The following LRMDA variants were observed in gnomAD, a reference collection of about 807,000 sequenced individuals.
LRMDA encodes leucine-rich melanocyte differentiation-associated protein.
A neutral mutation model predicts 29.8 loss-of-function variants in LRMDA; 18 were observed. The ratio of observed to expected loss-of-function variants is 0.60; its 90% CI spans 0.42 to 0.90. The LOEUF (loss-of-function observed/expected upper bound fraction) is 0.90. LRMDA is among the 40% of genes least tolerant of loss of function. LRMDA has a pLI of 0.00. For synonymous variants in LRMDA, 125 were observed against 109.4 expected, an observed-to-expected ratio of 1.14 and a Z score of -0.89; for missense variants, 273 against 273.9, an observed-to-expected ratio of 1.00 and a Z score of 0.02.
rs80299221 is a variant in LRMDA at position 75,545,641 on chromosome 10, C to T, written c.131+107147C>T. ...GGAGATCATCTTACTAACATTTTGCCAATGAGAAAACTGAGCCCCAGAGAG... is the reference window on the plus strand; with the variant it reads ...GGAGATCATCTTACTAACATTTTGCTAATGAGAAAACTGAGCCCCAGAGAG... On this transcript the variant is annotated intron_variant, in intron 2 of 6. Transcript: ENST00000611255. 7.8e-3 allele frequency among the ~76,000 whole-genome samples: 1,185 copies of T among 152,084 alleles called. 16 individuals are homozygous for T. Among genetic ancestry groups the T allele is most frequent in the African/African-American group, 0.028 (1,148 of 41,480 alleles).
rs566349463 is a variant in LRMDA, at chr10:76,155,719, G to A, written c.516+96936G>A. On this transcript the variant is annotated intron_variant, in intron 5 of 6. Coordinates refer to ENST00000611255, the MANE Select transcript of LRMDA (RefSeq NM_001305581.2). ...TCACATCCACGTTGATATTGTTTAAGCGCCTAAACTTTTGCTGTATTAGGG... is the reference window on the plus strand; with the variant it reads ...TCACATCCACGTTGATATTGTTTAAACGCCTAAACTTTTGCTGTATTAGGG... Among the ~76,000 whole-genome samples, 5 of 152,194 alleles carry A rather than the reference G, an allele frequency of 3.3e-5. No homozygotes were observed. In the East Asian group the frequency reaches 7.8e-4, roughly 24 times the overall value.
At chr10:76,094,697 G>C (rs1182706196) in intron 5 of LRMDA, among the ~76,000 whole-genome samples, 1 of 152,108 alleles carries the variant, frequency 6.6e-6, no homozygotes, top group Non-Finnish European at 1.5e-5. Context: ...TTAAAGGAAA[G>C]TAACATTCCC....
chr10:76,112,761 G>A (rs887690551), intron 5 of LRMDA, among the ~76,000 whole-genome samples: 1 of 152,210 alleles, frequency 6.6e-6, no homozygotes, highest in African/African-American at 2.4e-5. Flanking sequence ...ATCACTTAAT[G>A]CTTTGCTGTG....
intron 5 of LRMDA, among the ~76,000 whole-genome samples, chr10:76,278,493 C>T (rs530414521): frequency 6.6e-6 from 1 of 152,284 alleles, no homozygotes; most frequent in African/African-American, 2.4e-5. Context: ...GCAGGCGTTC[C>T]TCGCTTCTGC....
intron 2 of LRMDA, among the ~76,000 whole-genome samples, chr10:75,918,707 C>T (rs1400653741): frequency 6.6e-6 from 1 of 152,134 alleles, no homozygotes; most frequent in Non-Finnish European, 1.5e-5. Flanking sequence ...GAGCCATAAG[C>T]AATGTGGAGA....
chr10:75,581,637 A>G (rs968761145), intron 2 of LRMDA, among the ~76,000 whole-genome samples: 4 of 152,138 alleles, frequency 2.6e-5, no homozygotes, highest in African/African-American at 9.7e-5. Context: ...TGTCCTTTGC[A>G]GGGACATGGA....
intron 2 of LRMDA, among the ~76,000 whole-genome samples, chr10:75,442,561 C>T (rs1255933016): frequency 1.3e-5 from 2 of 152,150 alleles, no homozygotes; most frequent in African/African-American, 4.8e-5. Flanking sequence ...GGTCAATTGA[C>T]TGTCAATGCA....
chr10:75,767,160 G>A lies in LRMDA; in HGVS notation c.132-268848G>A, dbSNP rs113886073. ...TTATAATCCTTTGGTTATATACCCAGCAATGGGATTGCTGGGTCAAATTGT... is the reference window on the plus strand; with the variant it reads ...TTATAATCCTTTGGTTATATACCCAACAATGGGATTGCTGGGTCAAATTGT... On this transcript the variant is annotated intron_variant, in intron 2 of 6. Transcript: ENST00000611255. 8.1e-3 allele frequency among the ~76,000 whole-genome samples: 1,231 copies of A among 152,248 alleles called. 19 individuals are homozygous for A. Among genetic ancestry groups the A allele is most frequent in the African/African-American group, 0.028 (1,145 of 41,546 alleles).
chr10:76,344,205 A>C (rs913854840), intron 6 of LRMDA, among the ~76,000 whole-genome samples: 3 of 152,198 alleles, frequency 2.0e-5, no homozygotes, highest in African/African-American at 7.2e-5. Flanking sequence ...TATACAGTGA[A>C]TATGCAAAAT....
intron 5 of LRMDA, among the ~76,000 whole-genome samples, chr10:76,250,777 G>T (rs559853720): frequency 6.6e-6 from 1 of 152,270 alleles, no homozygotes; most frequent in African/African-American, 2.4e-5. Flanking sequence ...TTCCTAACTG[G>T]AGCCCTCCAA....
intron 5 of LRMDA, among the ~76,000 whole-genome samples, chr10:76,302,810 T>C (rs1840497947): frequency 6.6e-6 from 1 of 152,208 alleles, no homozygotes; most frequent in African/African-American, 2.4e-5. Flanking sequence ...CACTTATTTC[T>C]GCAAGTCCTA....
intron 2 of LRMDA, among the ~76,000 whole-genome samples, chr10:75,961,869 G>T (rs1846773154): frequency 6.6e-6 from 1 of 152,150 alleles, no homozygotes; most frequent in South Asian, 2.1e-4. Flanking sequence ...TTCCTTCTAG[G>T]CTGTGAAGGA....
intron 2 of LRMDA, among the ~76,000 whole-genome samples, chr10:75,827,366 A>C (rs144835882): frequency 2.6e-4 from 40 of 152,330 alleles, no homozygotes; most frequent in Non-Finnish European, 4.4e-4. Flanking sequence ...AGCCTTCTTT[A>C]CAGGATGGGA....
intron 5 of LRMDA, among the ~76,000 whole-genome samples, chr10:76,132,678 A>T (rs1011888718): frequency 6.6e-6 from 1 of 152,186 alleles, no homozygotes; most frequent in East Asian, 1.9e-4. Context: ...AGGTGAGCGC[A>T]TGAGTACGAG....
At chr10:75,536,366 T>C (rs369426417) in intron 2 of LRMDA, among the ~76,000 whole-genome samples, 7 of 152,176 alleles carry the variant, frequency 4.6e-5, no homozygotes, top group African/African-American at 1.7e-4. Context: ...CTCTATAGGA[T>C]GCTCTCTCTG....
chr10:75,691,219 T>C (rs11001465), intron 2 of LRMDA, among the ~76,000 whole-genome samples: 25 of 143,530 alleles, frequency 1.7e-4, no homozygotes, highest in Non-Finnish European at 2.4e-4. Context: ...CATATATATA[T>C]ACACATATAT....
At chr10:75,762,586 A>T (rs1589191752) in intron 2 of LRMDA, among the ~76,000 whole-genome samples, 1 of 152,320 alleles carries the variant, frequency 6.6e-6, no homozygotes, top group South Asian at 2.1e-4. Flanking sequence ...CTGAGTTTAA[A>T]TCTTGGCTCC....
At chr10:75,782,532 C>T (rs1212451084) in intron 2 of LRMDA, among the ~76,000 whole-genome samples, 2 of 152,122 alleles carry the variant, frequency 1.3e-5, no homozygotes, top group Non-Finnish European at 2.9e-5. Flanking sequence ...AGTCACTTAA[C>T]ATCCTGTGAA....
At chr10:76,121,924 G>A (rs896272450) in intron 5 of LRMDA, among the ~76,000 whole-genome samples, 4 of 152,186 alleles carry the variant, frequency 2.6e-5, no homozygotes, top group Admixed American at 1.3e-4. Context: ...GCCAGGTACT[G>A]TTCTAGGCAC....
Sources: allele counts gnomAD v4.1 joint callset (sites outside exome capture counted in the v4.1 genomes callset), GRCh38; gene constraint gnomAD v4.1.1; transcripts MANE v1.5; gene names NCBI Gene and HGNC (gene_info 2026-07-23, HGNC 2026-07-21).